The following THSD7B variants were observed in gnomAD, a reference collection of about 807,000 sequenced individuals.
THSD7B encodes thrombospondin type-1 domain-containing protein 7B.
In THSD7B, 138 loss-of-function variants were observed where a neutral mutation model predicts 213.6. The ratio of observed to expected loss-of-function variants is 0.65; its 90% confidence interval spans 0.56 to 0.74. The LOEUF (loss-of-function observed/expected upper bound fraction) is 0.74. Among genes scored for constraint, THSD7B ranks in the 30% least tolerant of loss-of-function variants. The pLI, the probability that THSD7B is intolerant of heterozygous loss-of-function variation, is 0.00. For synonymous variants in THSD7B, 742 were observed against 687.0 expected, an observed-to-expected ratio of 1.08 and a Z score of -1.25; for missense variants, 1,931 against 1,991.5, an observed-to-expected ratio of 0.97 and a Z score of 0.58.
chr2:137,429,108 G>C (rs570056517), intron 14 of THSD7B, among the ~76,000 whole-genome samples: 2 of 152,282 alleles, frequency 1.3e-5, no homozygotes, highest in East Asian at 1.9e-4. Flanking sequence ...ATAGCAGCAG[G>C]AATGGACTAA....
At chr2:136,961,308 C>T (rs1266914430) in intron 2 of THSD7B, among the ~76,000 whole-genome samples, 1 of 149,468 alleles carries the variant, frequency 6.7e-6, no homozygotes, top group Non-Finnish European at 1.5e-5. Flanking sequence ...GCAAGCTCCA[C>T]CTCCCAGGTT....
At chr2:137,597,392 G>A (rs1681982564) in intron 17 of THSD7B, among the ~76,000 whole-genome samples, 1 of 151,698 alleles carries the variant, frequency 6.6e-6, no homozygotes, top group Non-Finnish European at 1.5e-5. Context: ...TTGGCTGTAT[G>A]AGCCAGCTGT....
At chr2:137,080,741 A>G (rs35642109) in intron 3 of THSD7B, among the ~76,000 whole-genome samples, 12,417 of 152,064 alleles carry the variant, frequency 0.082, 709 homozygotes, top group African/African-American at 0.16. Flanking sequence ...TTCTATAAAT[A>G]GAATCTATTC....
rs909955533 is a variant in THSD7B at position 137,438,657 on chromosome 2, G to A, written c.2960-12188G>A. ...AGCTTAGAGGATTTAGGCAGCTCAC[G>A]TTGAGGTGGGATATAAGCCTAGGTC... On this transcript the variant is annotated intron_variant, in intron 14 of 27. Transcript: ENST00000409968. Among the ~76,000 whole-genome samples the A allele has an allele frequency of 3.9e-5, 6 of 152,180 alleles. No homozygotes were observed. The Middle Eastern group carries it at 0.014, about 345-fold the overall frequency.
intron 12 of THSD7B, among the ~76,000 whole-genome samples, chr2:137,358,230 A>C (rs1462881978): frequency 6.6e-6 from 1 of 152,176 alleles, no homozygotes; most frequent in Non-Finnish European, 1.5e-5. Flanking sequence ...TTCCCACTCA[A>C]ATTTCCTCCC....
intron 1 of THSD7B, among the ~76,000 whole-genome samples, chr2:136,780,031 GAT>G (rs1681709582): frequency 6.6e-6 from 1 of 152,128 alleles, no homozygotes; most frequent in South Asian, 2.1e-4. Flanking sequence ...CAGATGAGGT[GAT>G]TTTTTGAGGG....
chr2:137,162,618 C>T (rs975881232), intron 6 of THSD7B, among the ~76,000 whole-genome samples: 7 of 152,140 alleles, frequency 4.6e-5, no homozygotes, highest in Non-Finnish European at 2.9e-5. Context: ...AATGCTTTCT[C>T]CCCTTCGTTC....
At chr2:137,115,422 A>G (rs745908) in intron 5 of THSD7B, 129 bp downstream of exon 5, 614,479 of 1,073,666 alleles carry the variant, frequency 0.57, 180,740 homozygotes, top group Non-Finnish European at 0.6. Context: ...TTTGTTGACC[A>G]TTTGTATGCC....
chr2:136,814,086 C>T (rs1444115400), intron 1 of THSD7B, among the ~76,000 whole-genome samples: 1 of 152,174 alleles, frequency 6.6e-6, no homozygotes, highest in Non-Finnish European at 1.5e-5. Context: ...GGAACTTTGA[C>T]TTCTATTTTG....
chr2:137,304,384 A>T (rs1359355494), intron 12 of THSD7B, among the ~76,000 whole-genome samples: 2 of 152,186 alleles, frequency 1.3e-5, no homozygotes, highest in Admixed American at 1.3e-4. Context: ...GTGTTGATAA[A>T]GCCTTTGCCT....
intron 1 of THSD7B, among the ~76,000 whole-genome samples, chr2:136,811,488 T>C (rs1193018034): frequency 1.3e-5 from 2 of 152,162 alleles, no homozygotes; most frequent in African/African-American, 4.8e-5. Flanking sequence ...TTCTTTAGAT[T>C]AAATAAATTA....
intron 1 of THSD7B, among the ~76,000 whole-genome samples, chr2:136,863,010 T>G (rs372326553): frequency 6.6e-6 from 1 of 152,206 alleles, no homozygotes; most frequent in Non-Finnish European, 1.5e-5. Context: ...ATCTCAGCAC[T>G]TTAGTTCACA....
At chr2:136,881,401 T>C (rs1683620408) in intron 1 of THSD7B, among the ~76,000 whole-genome samples, 1 of 152,160 alleles carries the variant, frequency 6.6e-6, no homozygotes, top group African/African-American at 2.4e-5. Context: ...ACAGAGACTG[T>C]GGAGTCCATA....
At chr2:137,229,463 G>A (rs547900882) in intron 7 of THSD7B, among the ~76,000 whole-genome samples, 6 of 152,184 alleles carry the variant, frequency 3.9e-5, no homozygotes, top group South Asian at 4.1e-4. Context: ...CTGCTAGAAC[G>A]TCTATTACTT....
intron 12 of THSD7B, among the ~76,000 whole-genome samples, chr2:137,302,456 G>A (rs953545907): frequency 3.3e-5 from 5 of 152,138 alleles, no homozygotes; most frequent in African/African-American, 1.2e-4. Flanking sequence ...TCCATAAGAT[G>A]TAACAATGTT....
rs375799928 is a variant in THSD7B at position 137,073,533 on chromosome 2, C to G, written c.950+16303C>G. Reference sequence around the variant, plus strand: ...CAATTTTGTTGATCGTTCAAAAAAACAGCTCCTGGATTCATTGATTTTTGG... The same window carrying G: ...CAATTTTGTTGATCGTTCAAAAAAAGAGCTCCTGGATTCATTGATTTTTGG... On this transcript the variant is annotated intron_variant, in intron 3 of 27. Transcript: ENST00000409968. 2.0e-4 allele frequency among the ~76,000 whole-genome samples: 30 copies of G among 152,310 alleles called. No homozygotes were observed. In the East Asian group the frequency reaches 2.5e-3, roughly 13 times the overall value.
At chr2:137,147,024 T>C (rs1459596208) in intron 5 of THSD7B, among the ~76,000 whole-genome samples, 2 of 152,170 alleles carry the variant, frequency 1.3e-5, no homozygotes, top group African/African-American at 2.4e-5. Flanking sequence ...CTGGTAATCA[T>C]AAAGATTTTT....
At chr2:137,555,679 C>A (rs1297880672) in intron 15 of THSD7B, among the ~76,000 whole-genome samples, 3 of 152,038 alleles carry the variant, frequency 2.0e-5, no homozygotes, top group Non-Finnish European at 2.9e-5. Context: ...AGCAACGGAA[C>A]AAAGCTGGAC....
intron 17 of THSD7B, among the ~76,000 whole-genome samples, chr2:137,598,884 T>A (rs910417373): frequency 2.3e-4 from 31 of 135,276 alleles, no homozygotes; most frequent in African/African-American, 7.8e-4. Flanking sequence ...GTTCTTTTTT[T>A]TTTTTATTAT....
Sources: allele counts gnomAD v4.1 joint callset (sites outside exome capture counted in the v4.1 genomes callset), GRCh38; gene constraint gnomAD v4.1.1; transcripts MANE v1.5; gene names NCBI Gene and HGNC (gene_info 2026-07-23, HGNC 2026-07-21).